ZKSCAN5: variants seen among roughly 807,000 people sequenced by gnomAD.
ZKSCAN5 encodes the protein zinc finger with KRAB and SCAN domains 5.
In ZKSCAN5, 28 loss-of-function variants were observed where a neutral mutation model predicts 60.0. That is an observed-to-expected ratio of 0.47 (90% CI 0.35 to 0.64). ZKSCAN5 has a LOEUF of 0.64. ZKSCAN5 is among the 30% of genes least tolerant of loss of function. ZKSCAN5 has a pLI of 0.01. For missense variants in ZKSCAN5, 881 were observed against 1,034.6 expected (o/e 0.85, Z 2.04); for synonymous variants, 361 against 371.2 (o/e 0.97, Z 0.31).
At chr7:99,524,995 G>A (rs1801709757) in intron 5 of ZKSCAN5, among the ~76,000 whole-genome samples, 1 of 151,684 alleles carries the variant, frequency 6.6e-6, no homozygotes, top group South Asian at 2.1e-4. Context: ...GTGACACCCT[G>A]TCTCTGCTAA....
intron 5 of ZKSCAN5, among the ~76,000 whole-genome samples, chr7:99,521,283 T>G (rs1801530901): frequency 1.3e-5 from 2 of 152,188 alleles, no homozygotes; most frequent in Non-Finnish European, 2.9e-5. Flanking sequence ...CTGCAACCTC[T>G]GCCTCCTGGT....
Position 99,531,572 on chromosome 7 carries a change from A to G in ZKSCAN5, c.1843A>G (p.Arg615Gly). The change falls in exon 7 of 7, where the codon AGA (arginine) becomes GGA (glycine). Residue 615 changes from arginine to glycine, a missense_variant. Coordinates refer to ENST00000326775, the MANE Select transcript of ZKSCAN5 (RefSeq NM_145102.4). ...YTCPLCGKAF[R>G]VRSHLVQHQS... ...CTGTCCCTTATGTGGGAAAGCCTTC[A>G]GAGTGAGGTCCCACCTTGTTCAGCA... 4 of 1,614,202 alleles carry G rather than the reference A, an allele frequency of 2.5e-6. No individual in the cohort carries two copies. The highest frequency in any genetic ancestry group is 3.4e-6 in the Non-Finnish European group (4 of 1,180,020).
chr7:99,519,783 G>C (rs772453801), intron 3 of ZKSCAN5, 44 bp from the exon 4 acceptor site: 2 of 1,567,808 alleles, frequency 1.3e-6, no homozygotes, highest in South Asian at 1.1e-5. Flanking sequence ...AATGAGAACC[G>C]GGCAAAGATG....
At chr7:99,523,286 C>A (rs747817245) in intron 5 of ZKSCAN5, among the ~76,000 whole-genome samples, 1 of 151,170 alleles carries the variant, frequency 6.6e-6, no homozygotes, top group Admixed American at 6.6e-5. Flanking sequence ...GACCTTGGCT[C>A]GAGAGACATG....
chr7:99,525,701 T>C (rs1801746457), intron 5 of ZKSCAN5, 112 bp from the exon 6 acceptor site: 1 of 1,415,092 alleles, frequency 7.1e-7, no homozygotes, highest in Non-Finnish European at 9.5e-7. Flanking sequence ...AAAAGTCCCT[T>C]TACAGAATCA....
Position 99,531,142 on chromosome 7 carries a change from T to C in ZKSCAN5, c.1413T>C (p.Ser471=), listed in dbSNP as rs918043930. 6.3e-7 allele frequency: 1 copy of C among 1,599,354 alleles called. No homozygotes were observed. The highest frequency in any genetic ancestry group is 1.8e-5 in the Admixed American group (1 of 56,200). The change falls in exon 7 of 7, where the codon AGT becomes AGC. Residue 471 remains serine, a synonymous_variant. Coordinates refer to ENST00000326775, the MANE Select transcript of ZKSCAN5 (RefSeq NM_145102.4). ...SDKRSKNTKL[S]VKKKISEYSE... is the part of the protein sequence containing the mutation. The stretch of plus-strand genomic sequence containing the variant: ...AAAGAAGTAAGAACACAAAATTAAG[T>C]GTTAAGAAGAAAATTTCAGAATATT...
At chr7:99,505,537 C>G (rs1483527983) in intron 1 of ZKSCAN5, 1 of 157,224 alleles carries the variant, frequency 6.4e-6, no homozygotes, top group African/African-American at 2.4e-5. Context: ...TCTTTGGGAC[C>G]GATGGAGTCT....
intron 6 of ZKSCAN5, among the ~76,000 whole-genome samples, chr7:99,528,127 T>TC (rs1038228320): frequency 2.0e-5 from 3 of 151,458 alleles, no homozygotes; most frequent in African/African-American, 7.3e-5. Flanking sequence ...TTCTTTTTTT[T>TC]TTTTTTTTTT....
At chr7:99,519,164 T>TG (rs1735969915) in intron 3 of ZKSCAN5, among the ~76,000 whole-genome samples, 1 of 150,746 alleles carries the variant, frequency 6.6e-6, no homozygotes, top group Non-Finnish European at 1.5e-5. Context: ...TTAGTAGAGG[T>TG]GGGGTTTCAC....
rs773990035 is a variant in ZKSCAN5, at chr7:99,526,230, CAG to C, written c.1191_1192del (p.Lys400ThrfsTer34). ...CTCACCCAGCACCAGCGCGTCCACA[CAG>C]GGGAGAAACCCTACAAATGTCAGGT... is the stretch of plus-strand genomic sequence containing the variant. On this transcript the variant is annotated frameshift_variant, in exon 6 of 7. Coordinates refer to ENST00000326775, the MANE Select transcript of ZKSCAN5 (RefSeq NM_145102.4). LOFTEE classifies it high-confidence loss of function. The C allele has an allele frequency of 1.8e-5, 29 of 1,614,110 alleles. No homozygotes were observed. Among genetic ancestry groups the C allele is most frequent in the African/African-American group, 2.7e-5 (2 of 74,936 alleles).
chr7:99,509,224 G>A (rs1476116822), intron 2 of ZKSCAN5, among the ~76,000 whole-genome samples: 1 of 152,080 alleles, frequency 6.6e-6, no homozygotes, highest in African/African-American at 2.4e-5. Flanking sequence ...CCTGACCTCA[G>A]GTGATACTCC....
chr7:99,530,319 GCCA>G (rs1471897844), intron 6 of ZKSCAN5, among the ~76,000 whole-genome samples: 1 of 152,108 alleles, frequency 6.6e-6, no homozygotes, highest in Non-Finnish European at 1.5e-5. Context: ...ACAGGTGTGA[GCCA>G]CCACGCCCGG....
Position 99,531,978 on chromosome 7 carries a change from G to A in ZKSCAN5, c.2249G>A (p.Cys750Tyr). Residue 750 changes from cysteine (C) to tyrosine (Y), a missense_variant, in exon 7 of 7, where the codon TGT becomes TAT. Cys to Tyr is a radical substitution (Grantham distance 194). Around this residue, in one of 5 missense-constraint regions of ZKSCAN5, gnomAD observed 138 missense variants for 143.8 expected, o/e 0.96. Transcript: ENST00000326775. ...TAEKPYQCDI[C>Y]RENVGQCSHT... ...GAGAAGCCCTATCAATGTGATATAT[G>A]TAGAGAAAATGTTGGCCAGTGTTCC... 1 of 1,614,174 alleles carries A rather than the reference G, an allele frequency of 6.2e-7. No homozygotes were observed. The highest frequency in any genetic ancestry group is 8.5e-7 in the Non-Finnish European group (1 of 1,180,036).
chr7:99,513,287 T>C, intron 3 of ZKSCAN5, among the ~76,000 whole-genome samples: 1 of 151,974 alleles, frequency 6.6e-6, no homozygotes, highest in East Asian at 1.9e-4. Context: ...ACCAGTTTCA[T>C]TAAAAACCTA....
intron 5 of ZKSCAN5, among the ~76,000 whole-genome samples, chr7:99,521,300 C>G (rs1461766296): frequency 6.6e-6 from 1 of 152,156 alleles, no homozygotes; most frequent in Non-Finnish European, 1.5e-5. Flanking sequence ...TGGTTTCGAG[C>G]AATTCTCCTG....
intron 5 of ZKSCAN5, among the ~76,000 whole-genome samples, chr7:99,525,428 C>T (rs184739171): frequency 1.4e-3 from 218 of 152,182 alleles, no homozygotes; most frequent in African/African-American, 5.1e-3. Flanking sequence ...GCCATGATTG[C>T]CCCACTGCAC....
At chr7:99,512,943 C>A (rs975667119) in intron 3 of ZKSCAN5, among the ~76,000 whole-genome samples, 1 of 151,160 alleles carries the variant, frequency 6.6e-6, no homozygotes, top group Non-Finnish European at 1.5e-5. Context: ...CGTCATCTAG[C>A]ATTAGGTATA....
intron 2 of ZKSCAN5, among the ~76,000 whole-genome samples, chr7:99,508,771 A>G (rs1379242234): frequency 6.7e-6 from 1 of 149,726 alleles, no homozygotes; most frequent in Non-Finnish European, 1.5e-5. Flanking sequence ...AAAAGATACA[A>G]TATTTTATTT....
chr7:99,523,069 C>G (rs1378397318), intron 5 of ZKSCAN5, among the ~76,000 whole-genome samples: 2 of 143,720 alleles, frequency 1.4e-5, no homozygotes, highest in Non-Finnish European at 3.0e-5. Context: ...GGAGCTGAGG[C>G]AGGAGAATTG....
Sources: allele counts gnomAD v4.1 joint callset (sites outside exome capture counted in the v4.1 genomes callset), GRCh38; gene constraint gnomAD v4.1.1; regional missense constraint gnomAD v4.1.1; transcripts MANE v1.5; gene names NCBI Gene and HGNC (gene_info 2026-07-23, HGNC 2026-07-21).